Variants in TNNI3K observed in about 807,000 individuals in gnomAD.
TNNI3K encodes the protein TNNI3 interacting kinase, also known as serine/threonine-protein kinase TNNI3K.
A neutral mutation model predicts 114.5 loss-of-function variants in TNNI3K; 140 were observed. That is an observed-to-expected ratio of 1.22 (90% CI 1.07 to 1.41). TNNI3K has a LOEUF of 1.41. TNNI3K is among the 40% of genes most tolerant of loss of function. TNNI3K has a pLI of 0.00. For synonymous variants in TNNI3K, 347 were observed against 347.5 expected (o/e 1.00, Z 0.02); for missense variants, 1,125 against 1,007.6 (o/e 1.12, Z -1.58).
chr1:74,539,514 C>A (rs1048523179), intron 23 of TNNI3K, among the ~76,000 whole-genome samples: 1 of 152,054 alleles, frequency 6.6e-6, no homozygotes, highest in Non-Finnish European at 1.5e-5. Flanking sequence ...AAGGAAGTGA[C>A]CCCATTTACC....
intron 23 of TNNI3K, among the ~76,000 whole-genome samples, chr1:74,509,361 A>C (rs1052415660): frequency 5.9e-5 from 9 of 152,226 alleles, no homozygotes; most frequent in African/African-American, 9.6e-5. Context: ...AATCCCTGAA[A>C]ATAAAGCGAT....
intron 11 of TNNI3K, among the ~76,000 whole-genome samples, chr1:74,357,032 T>G (rs1463610430): frequency 3.9e-5 from 6 of 152,218 alleles, no homozygotes; most frequent in African/African-American, 1.4e-4. Flanking sequence ...ATTGTTTTCA[T>G]GTGTTCAGGG....
In TNNI3K at chr1:74,369,224, T is replaced by C. The variant is rs751451759; in HGVS notation, c.1432T>C (p.Tyr478His). ...AATTGTAGGTTCTTTTGGGAAAGTATATAAAGGACGATGCAGAAATAAAAT... is the reference window on the plus strand; with the variant it reads ...AATTGTAGGTTCTTTTGGGAAAGTACATAAAGGACGATGCAGAAATAAAAT... ...IIGSGSFGKV[Y>H]KGRCRNKIVA... The change falls in exon 15 of 25, where the codon TAT becomes CAT. Residue 478 changes from tyrosine (Y) to histidine (H), a missense_variant. Coordinates refer to ENST00000326637, the MANE Select transcript of TNNI3K (RefSeq NM_015978.3). The C allele has an allele frequency of 6.2e-7, 1 of 1,611,590 alleles. No individual in the cohort carries two copies. Among genetic ancestry groups the C allele is most frequent in the Non-Finnish European group, 8.5e-7 (1 of 1,178,862 alleles).
At chr1:74,390,606 G>A (rs533920265) in intron 17 of TNNI3K, among the ~76,000 whole-genome samples, 1 of 152,214 alleles carries the variant, frequency 6.6e-6, no homozygotes, top group South Asian at 2.1e-4. Context: ...CAGTACTGAG[G>A]TTATAGGATT....
intron 4 of TNNI3K, among the ~76,000 whole-genome samples, chr1:74,269,603 G>A (rs77209514): frequency 8.3e-4 from 126 of 151,880 alleles, no homozygotes; most frequent in African/African-American, 3.0e-3. Context: ...GTAGAATTCT[G>A]AAACTGAGCT....
chr1:74,526,925 A>G (rs1646511143), intron 23 of TNNI3K, among the ~76,000 whole-genome samples: 1 of 152,192 alleles, frequency 6.6e-6, no homozygotes, highest in African/African-American at 2.4e-5. Flanking sequence ...CATATTATCT[A>G]TGTCTGTGTT....
At chr1:74,250,323 G>A (rs1339456114) in intron 3 of TNNI3K, among the ~76,000 whole-genome samples, 1 of 152,108 alleles carries the variant, frequency 6.6e-6, no homozygotes, top group African/African-American at 2.4e-5. Context: ...ATAATGTTCA[G>A]ATAAATCCTC....
At chr1:74,435,951 C>T in intron 17 of TNNI3K, 129 bp from the exon 18 acceptor site, 1 of 1,204,836 alleles carries the variant, frequency 8.3e-7, no homozygotes, top group South Asian at 2.0e-5. Context: ...TTGATTTAGC[C>T]CTTTGGGGCC....
At chr1:74,444,687 T>C (rs1666549022) in intron 20 of TNNI3K, among the ~76,000 whole-genome samples, 1 of 151,532 alleles carries the variant, frequency 6.6e-6, no homozygotes, top group Non-Finnish European at 1.5e-5. Context: ...AAAATTTAAA[T>C]TCATATGGAA....
At chr1:74,360,840 T>G (rs1472192706) in intron 11 of TNNI3K, among the ~76,000 whole-genome samples, 1 of 152,138 alleles carries the variant, frequency 6.6e-6, no homozygotes, top group Admixed American at 6.6e-5. Context: ...GTTTACCACT[T>G]TATACTGAAA....
At chr1:74,539,872 A>G (rs1003315656) in intron 23 of TNNI3K, among the ~76,000 whole-genome samples, 4 of 152,060 alleles carry the variant, frequency 2.6e-5, no homozygotes, top group African/African-American at 4.8e-5. Context: ...TTATATTATT[A>G]CTAAGATAAT....
intron 17 of TNNI3K, chr1:74,418,277 A>G (rs1665227800): frequency 2.5e-6 from 1 of 404,126 alleles, no homozygotes; most frequent in Non-Finnish European, 4.9e-6. Flanking sequence ...CTCAGTTCCT[A>G]ACGAATGAAG....
intron 17 of TNNI3K, among the ~76,000 whole-genome samples, chr1:74,415,086 C>T (rs984959504): frequency 3.3e-5 from 5 of 152,168 alleles, no homozygotes; most frequent in Admixed American, 1.3e-4. Flanking sequence ...ATCCCAGCCA[C>T]GACGGGGCCT....
chr1:74,253,867 G>A lies in TNNI3K; in HGVS notation c.333+3098G>A, dbSNP rs545697367. Among the ~76,000 whole-genome samples the A allele has an allele frequency of 3.9e-5, 6 of 152,312 alleles. No homozygotes were observed. The East Asian group carries it at 1.2e-3, about 30-fold the overall frequency. ...GGCGCCAAGGCCGAGAAGGCACCAA[G>A]AGCGAGCGAGGGCTGCAAGAGCTGC... On this transcript the variant is annotated intron_variant, in intron 4 of 24. Transcript: ENST00000326637.
chr1:74,356,562 T>C (rs1315397879), intron 11 of TNNI3K, among the ~76,000 whole-genome samples: 1 of 152,218 alleles, frequency 6.6e-6, no homozygotes, highest in African/African-American at 2.4e-5. Context: ...AAATGTTAGC[T>C]TCAGTGTAAG....
chr1:74,512,165 C>T (rs1314777238), intron 23 of TNNI3K, among the ~76,000 whole-genome samples: 2 of 152,144 alleles, frequency 1.3e-5, no homozygotes, highest in Non-Finnish European at 2.9e-5. Flanking sequence ...ATGACTCGAA[C>T]CTGTGAGGGA....
intron 5 of TNNI3K, among the ~76,000 whole-genome samples, chr1:74,292,108 G>A (rs1290712190): frequency 1.3e-5 from 2 of 151,246 alleles, no homozygotes; most frequent in Admixed American, 1.3e-4. Context: ...TCCTGATACT[G>A]ATTATTTTGG....
chr1:74,314,822 C>T (rs1440878741), intron 5 of TNNI3K, among the ~76,000 whole-genome samples: 1 of 152,102 alleles, frequency 6.6e-6, no homozygotes, highest in Admixed American at 6.6e-5. Context: ...AGTGAAGAGA[C>T]ACCACAGGCT....
intron 17 of TNNI3K, among the ~76,000 whole-genome samples, chr1:74,400,969 G>A (rs1664329990): frequency 6.6e-6 from 1 of 152,212 alleles, no homozygotes; most frequent in Non-Finnish European, 1.5e-5. Flanking sequence ...AGAGAAAGTT[G>A]ACCTTGGTAG....
Sources: allele counts gnomAD v4.1 joint callset (sites outside exome capture counted in the v4.1 genomes callset), GRCh38; gene constraint gnomAD v4.1.1; transcripts MANE v1.5; gene names NCBI Gene and HGNC (gene_info 2026-07-23, HGNC 2026-07-21).